MGAM2: variants seen among roughly 807,000 people sequenced by gnomAD.
MGAM2 encodes probable maltase-glucoamylase 2.
Under a neutral mutation model 96.1 loss-of-function variants are expected in MGAM2, and 98 were observed. That is an observed-to-expected ratio of 1.02 (90% CI 0.87 to 1.21). MGAM2 has a LOEUF of 1.21. Among genes scored for constraint, MGAM2 ranks in the 50% most tolerant of loss-of-function variants. MGAM2 has a pLI of 0.00. For synonymous variants in MGAM2, 749 were observed against 414.8 expected (o/e 1.81, Z -9.79); for missense variants, 2,055 against 1,182.4 (o/e 1.74, Z -10.82).
intron 45 of MGAM2, chr7:142,208,251 G>T (rs1797468827): frequency 2.0e-6 from 1 of 500,652 alleles, no homozygotes; most frequent in Non-Finnish European, 3.9e-6. Context: ...GAACTCCTAT[G>T]ACTACATGCT....
In MGAM2 at chr7:142,194,687, CATGTGTGT is replaced by C. The variant is rs763882516; in HGVS notation, c.4347-1458_4347-1451del. ...ATATATTCTTTCAGTTTTAATAGAA[CATGTGTGT>C]ATGTGTGTGTGTGTGTGTGTGTGTG... On this transcript the variant is annotated intron_variant, in intron 37 of 47. Coordinates refer to ENST00000477922, the MANE Select transcript of MGAM2 (RefSeq NM_001293626.2). Among the ~76,000 whole-genome samples, 329 of 118,196 alleles carry C rather than the reference CATGTGTGT, an allele frequency of 2.8e-3. 1 individual carries two copies. Among genetic ancestry groups the C allele is most frequent in the African/African-American group, 5.7e-3 (153 of 27,056 alleles). The allele number at this position is 118,196 out of a possible 152,430, so 77.5% of individuals were successfully genotyped here.
chr7:142,205,537 A>T (rs1017235559), intron 45 of MGAM2, among the ~76,000 whole-genome samples: 2 of 152,002 alleles, frequency 1.3e-5, no homozygotes, highest in African/African-American at 4.8e-5. Flanking sequence ...TGTGGTTTTG[A>T]TTAATTTATA....
chr7:142,199,858 C>CTTTT, intron 44 of MGAM2, 22 bp from the exon 45 acceptor site: 1 of 576,736 alleles, frequency 1.7e-6, no homozygotes, highest in Non-Finnish European at 3.0e-6. Flanking sequence ...AGAAAAATAA[C>CTTTT]TCTTTTTTTT....
In MGAM2 at chr7:142,171,340, C is replaced by T. The variant is rs967662074; in HGVS notation, c.3251C>T (p.Ser1084Phe). 4.3e-6 allele frequency: 3 copies of T among 703,000 alleles called. No homozygotes were observed. The highest frequency in any genetic ancestry group is 7.8e-6 in the Non-Finnish European group (3 of 384,926). 43.5% of individuals were successfully genotyped at this position (703,000 alleles called of 1,614,324 possible). ...MFLSISTRLP[S>F]QYIYGFGETE... ...CTCTCCATTTCTACGCGTCTGCCGT[C>T]CCAGTACATCTATGGCTTTGGGGAA... Residue 1084 changes from serine to phenylalanine, a missense_variant, in exon 28 of 48, where the codon TCC becomes TTC. Coordinates refer to ENST00000477922, the MANE Select transcript of MGAM2 (RefSeq NM_001293626.2).
chr7:142,213,387 G>A (rs1217238277), intron 46 of MGAM2, among the ~76,000 whole-genome samples: 2 of 152,034 alleles, frequency 1.3e-5, no homozygotes, highest in African/African-American at 4.8e-5. Flanking sequence ...TCCAGGAGCT[G>A]GTTTTTTGAA....
chr7:142,218,810 T>A (rs1797839235), intron 47 of MGAM2, among the ~76,000 whole-genome samples: 1 of 152,166 alleles, frequency 6.6e-6, no homozygotes, highest in South Asian at 2.1e-4. Context: ...CTGTGCTATG[T>A]TTTGATAGGT....
At chr7:142,219,758 C>A (rs1797863576) in intron 47 of MGAM2, 112 bp from the exon 48 acceptor site, 1 of 607,272 alleles carries the variant, frequency 1.6e-6, no homozygotes, top group Middle Eastern at 4.4e-4. Context: ...TATCCTATTA[C>A]TGGAAAGGAA....
rs1797400231 is a variant in MGAM2, at chr7:142,206,362, C to T, written c.5138-2211C>T. Among the ~76,000 whole-genome samples, 3 of 152,078 alleles carry T rather than the reference C, an allele frequency of 2.0e-5. No homozygotes were observed. The South Asian group carries it at 6.2e-4, about 32-fold the overall frequency. On this transcript the variant is annotated intron_variant, in intron 45 of 47. Transcript: ENST00000477922. ...GGTTATTATACATGTTTAGCAGCAT[C>T]CCTGCCCTCTCCCCACTTGATGTCA...
In MGAM2 at chr7:142,116,997, A is replaced by C. The variant is rs765002270; in HGVS notation, c.106+18A>C. 1 of 703,024 alleles carries C rather than the reference A, an allele frequency of 1.4e-6. No individual in the cohort carries two copies. Among genetic ancestry groups the C allele is most frequent in the South Asian group, 1.5e-5 (1 of 67,592 alleles). 43.5% of individuals were successfully genotyped at this position (703,024 alleles called of 1,614,324 possible). On this transcript the variant is annotated intron_variant, in intron 2 of 47. Coordinates refer to ENST00000477922, the MANE Select transcript of MGAM2 (RefSeq NM_001293626.2). ...AACTTCAGGTAAGGGAGATGCTTGT[A>C]GGTTGGAAGGCTGGGTAAAGGAAGT...
intron 6 of MGAM2, among the ~76,000 whole-genome samples, 192 bp downstream of exon 6, chr7:142,132,277 G>A (rs964571150): frequency 6.7e-6 from 1 of 148,668 alleles, no homozygotes; most frequent in Non-Finnish European, 1.5e-5. Context: ...ATACTAAAAG[G>A]TAATACTAAA....
intron 32 of MGAM2, among the ~76,000 whole-genome samples, chr7:142,180,261 A>C (rs142260239): frequency 1.9e-3 from 291 of 152,262 alleles, no homozygotes; most frequent in African/African-American, 6.2e-3. Flanking sequence ...TCAATCTAGC[A>C]GATGGCCTAT....
At chr7:142,166,709 C>G (rs1218197660) in intron 25 of MGAM2, among the ~76,000 whole-genome samples, 2 of 152,170 alleles carry the variant, frequency 1.3e-5, no homozygotes, top group Non-Finnish European at 2.9e-5. Flanking sequence ...CCCTATCAAA[C>G]TTCCTGGTGC....
At chr7:142,134,220 C>A (rs2129078417) in intron 7 of MGAM2, 68 bp downstream of exon 7, 1 of 642,442 alleles carries the variant, frequency 1.6e-6, no homozygotes, top group East Asian at 2.8e-5. Flanking sequence ...CTAAAAGTAG[C>A]CTGCAGGAAT....
intron 34 of MGAM2, 79 bp from the exon 35 acceptor site, chr7:142,185,909 CA>C: frequency 1.5e-6 from 1 of 654,502 alleles, no homozygotes; most frequent in Non-Finnish European, 2.8e-6. Context: ...TGGGCAGGCA[CA>C]AATTCCTGTT....
intron 37 of MGAM2, among the ~76,000 whole-genome samples, chr7:142,189,961 A>G (rs1796818748): frequency 6.6e-6 from 1 of 152,156 alleles, no homozygotes; most frequent in South Asian, 2.1e-4. Context: ...AATGTTTTCA[A>G]TGATTATCTA....
chr7:142,187,869 C>T (rs920041248), intron 36 of MGAM2, 35 bp downstream of exon 36: 6 of 696,104 alleles, frequency 8.6e-6, no homozygotes, highest in Admixed American at 6.0e-5. Context: ...ACTTACTTTC[C>T]TACTCAAAGA....
In MGAM2 at chr7:142,185,938, C is replaced by G; in HGVS notation, c.3988-51C>G. ...TTCCTGTTCATCTCCCATTTGTGGTCTCCTGTATAGGCTGAGACCCCGACA... is the reference window on the plus strand; with the variant it reads ...TTCCTGTTCATCTCCCATTTGTGGTGTCCTGTATAGGCTGAGACCCCGACA... On this transcript the variant is annotated intron_variant, in intron 34 of 47. Transcript: ENST00000477922. 5.8e-6 allele frequency: 4 copies of G among 689,624 alleles called. No homozygotes were observed. The South Asian group carries it at 6.1e-5, about 10-fold the overall frequency. 42.7% of individuals were successfully genotyped at this position (689,624 alleles called of 1,614,324 possible). A position where few individuals can be genotyped will look rare whatever the true frequency, so the allele number is the denominator to read the frequency against.
intron 3 of MGAM2, among the ~76,000 whole-genome samples, chr7:142,122,362 CAAAG>C (rs1794602573): frequency 6.6e-6 from 1 of 152,146 alleles, no homozygotes; most frequent in Admixed American, 6.5e-5. Flanking sequence ...AATGCAAATA[CAAAG>C]AGTTGTTATT....
chr7:142,116,693 G>C (rs945216972), intron 1 of MGAM2, among the ~76,000 whole-genome samples, 181 bp from the exon 2 acceptor site: 1 of 152,194 alleles, frequency 6.6e-6, no homozygotes, highest in Non-Finnish European at 1.5e-5. Context: ...TGGATGTAAA[G>C]CTAGAGTTAA....
Sources: allele counts gnomAD v4.1 joint callset (sites outside exome capture counted in the v4.1 genomes callset), GRCh38; gene constraint gnomAD v4.1.1; transcripts MANE v1.5; gene names NCBI Gene and HGNC (gene_info 2026-07-23, HGNC 2026-07-21).